Variants in CHST9 observed in about 807,000 individuals in gnomAD.
The protein encoded by CHST9 is carbohydrate sulfotransferase 9.
Under a neutral mutation model 44.4 loss-of-function variants are expected in CHST9, and 41 were observed. The observed-to-expected ratio is 0.92, with a 90% CI of 0.72 to 1.20. The LOEUF (loss-of-function observed/expected upper bound fraction) is 1.20. Ranked by LOEUF, CHST9 falls within the 50% of genes most tolerant of loss-of-function variation. CHST9 has a pLI of 0.00. For missense variants in CHST9, 504 were observed against 516.5 expected, an observed-to-expected ratio of 0.98 and a Z score of 0.23; for synonymous variants, 171 against 178.4, an observed-to-expected ratio of 0.96 and a Z score of 0.33.
At chr18:26,955,224 G>GTTTTTTTT (rs10573820) in intron 4 of CHST9, among the ~76,000 whole-genome samples, 2 of 138,446 alleles carry the variant, frequency 1.4e-5, no homozygotes, top group Non-Finnish European at 3.1e-5. Flanking sequence ...CCAGAATTCT[G>GTTTTTTTT]TTTTTTTTTT....
At chr18:26,962,071 C>T (rs1387848498) in intron 4 of CHST9, among the ~76,000 whole-genome samples, 2 of 152,136 alleles carry the variant, frequency 1.3e-5, no homozygotes, top group Non-Finnish European at 2.9e-5. Flanking sequence ...ATGAAGAGGG[C>T]CAAAGTTGGC....
At chr18:27,180,058 C>G (rs990241616) in intron 1 of CHST9, among the ~76,000 whole-genome samples, 1 of 152,110 alleles carries the variant, frequency 6.6e-6, no homozygotes, top group African/African-American at 2.4e-5. Flanking sequence ...CAAGAGTCTA[C>G]ATTTGACTTG....
intron 1 of CHST9, among the ~76,000 whole-genome samples, chr18:27,146,241 T>G (rs890770702): frequency 6.6e-5 from 10 of 152,202 alleles, no homozygotes; most frequent in Non-Finnish European, 1.5e-5. Context: ...CATATCCTCC[T>G]GGGTGAGAAA....
chr18:27,042,736 C>T (rs2057459066), intron 3 of CHST9, among the ~76,000 whole-genome samples: 1 of 152,000 alleles, frequency 6.6e-6, no homozygotes, highest in African/African-American at 2.4e-5. Flanking sequence ...ATCAGTTCCC[C>T]AACTTAATGG....
At chr18:27,086,722 C>T (rs1393132926) in intron 2 of CHST9, among the ~76,000 whole-genome samples, 1 of 152,046 alleles carries the variant, frequency 6.6e-6, no homozygotes. Context: ...AAAACACATA[C>T]ACATAAAATA....
chr18:27,040,964 C>A (rs999703806), intron 3 of CHST9, among the ~76,000 whole-genome samples: 2 of 152,086 alleles, frequency 1.3e-5, no homozygotes, highest in Non-Finnish European at 2.9e-5. Context: ...ACAAATGACA[C>A]TTTCAGCTAG....
intron 4 of CHST9, among the ~76,000 whole-genome samples, chr18:27,012,016 C>T (rs1450985229): frequency 2.6e-5 from 4 of 152,210 alleles, no homozygotes; most frequent in African/African-American, 9.6e-5. Context: ...TCTAGTTGTG[C>T]TTTGGTCCAT....
intron 4 of CHST9, among the ~76,000 whole-genome samples, chr18:26,969,809 C>G (rs984382808): frequency 2.6e-5 from 4 of 152,148 alleles, no homozygotes; most frequent in Admixed American, 2.0e-4. Flanking sequence ...TTAAGTTAAG[C>G]TTCAGTTTAT....
At chr18:26,930,841 T>C (rs556479384) in intron 5 of CHST9, 1 of 152,228 alleles carries the variant, frequency 6.6e-6, no homozygotes, top group Admixed American at 6.7e-5. Context: ...CAATGTGCAG[T>C]TGGCAGAGGG....
chr18:26,935,290 T>C (rs777849768), intron 5 of CHST9: 12 of 152,224 alleles, frequency 7.9e-5, no homozygotes, highest in Admixed American at 3.9e-4. Context: ...CTCCCATCTG[T>C]TGATGAACAT....
At chr18:27,028,579 G>T (rs1294216034) in intron 3 of CHST9, among the ~76,000 whole-genome samples, 1 of 151,840 alleles carries the variant, frequency 6.6e-6, no homozygotes, top group Non-Finnish European at 1.5e-5. Context: ...ATGGAGTCTC[G>T]CTCAGTCGCC....
chr18:27,093,113 C>T (rs1182243108), intron 2 of CHST9, among the ~76,000 whole-genome samples: 1 of 152,166 alleles, frequency 6.6e-6, no homozygotes, highest in Non-Finnish European at 1.5e-5. Flanking sequence ...GAAGCTTCAT[C>T]CCAGAGGGGC....
chr18:26,962,774 G>A (rs1343590550), intron 4 of CHST9, among the ~76,000 whole-genome samples: 1 of 152,094 alleles, frequency 6.6e-6, no homozygotes, highest in Non-Finnish European at 1.5e-5. Flanking sequence ...TATCACCTGG[G>A]TATTGAGATC....
At chr18:27,088,174 G>A (rs564923394) in intron 2 of CHST9, among the ~76,000 whole-genome samples, 12 of 152,236 alleles carry the variant, frequency 7.9e-5, no homozygotes, top group African/African-American at 2.9e-4. Flanking sequence ...CAGTAAATGA[G>A]AGGGGAATTT....
chr18:26,928,063 A>G (rs1332013204), intron 5 of CHST9, among the ~76,000 whole-genome samples: 1 of 152,166 alleles, frequency 6.6e-6, no homozygotes, highest in African/African-American at 2.4e-5. Flanking sequence ...AATCCATTAA[A>G]CGTTGAGTCG....
At chr18:27,037,170 G>A (rs964906058) in intron 3 of CHST9, among the ~76,000 whole-genome samples, 5 of 152,082 alleles carry the variant, frequency 3.3e-5, no homozygotes, top group African/African-American at 1.2e-4. Context: ...TAGCCTTGGC[G>A]TTTACATTTT....
At chr18:27,129,914 T>C (rs2058457422) in intron 2 of CHST9, among the ~76,000 whole-genome samples, 1 of 151,930 alleles carries the variant, frequency 6.6e-6, no homozygotes, top group African/African-American at 2.4e-5. Flanking sequence ...TTGGAAAAGC[T>C]ATGTTCAAAC....
intron 2 of CHST9, among the ~76,000 whole-genome samples, chr18:27,113,839 A>C (rs2058296588): frequency 6.6e-6 from 1 of 152,214 alleles, no homozygotes; most frequent in Non-Finnish European, 1.5e-5. Flanking sequence ...AACCAACTTG[A>C]GGTACTTAAA....
intron 2 of CHST9, among the ~76,000 whole-genome samples, chr18:27,052,357 CACAT>C (rs1224078432): frequency 6.6e-6 from 1 of 151,628 alleles, no homozygotes; most frequent in Non-Finnish European, 1.5e-5. Flanking sequence ...TACATGCACA[CACAT>C]ACACACAAAA....
Sources: gnomAD v4.1 joint callset for allele counts (sites outside exome capture counted in the v4.1 genomes callset) on GRCh38, gnomAD v4.1.1 for gene constraint, MANE v1.5 for transcripts, NCBI Gene and HGNC (gene_info 2026-07-23, HGNC 2026-07-21) for gene names.